LMX1A: variants seen among roughly 807,000 people sequenced by gnomAD.
LMX1A encodes the protein LIM homeobox transcription factor 1-alpha.
Under a neutral mutation model 49.1 loss-of-function variants are expected in LMX1A, and 15 were observed. That is an observed-to-expected ratio of 0.31 (90% CI 0.20 to 0.47). The LOEUF is 0.47. LMX1A is among the 20% of genes least tolerant of loss of function. The pLI is 1.00. For missense variants in LMX1A, 372 were observed against 475.8 expected (o/e 0.78, Z 2.03); for synonymous variants, 167 against 185.7 (o/e 0.90, Z 0.82).
intron 3 of LMX1A, among the ~76,000 whole-genome samples, chr1:165,254,514 A>G (rs147848243): frequency 1.3e-5 from 2 of 152,306 alleles, no homozygotes; most frequent in Non-Finnish European, 2.9e-5. Context: ...CTAACCCCAG[A>G]GTAATTCAAG....
intron 4 of LMX1A, among the ~76,000 whole-genome samples, chr1:165,229,352 C>T (rs1652160228): frequency 6.6e-6 from 1 of 152,138 alleles, no homozygotes; most frequent in Admixed American, 6.5e-5. Context: ...TTGGGGAGAG[C>T]ATTTATTAAT....
chr1:165,287,247 G>A (rs1654326926), intron 3 of LMX1A, among the ~76,000 whole-genome samples: 1 of 152,064 alleles, frequency 6.6e-6, no homozygotes, highest in African/African-American at 2.4e-5. Flanking sequence ...TGGTTCGGGG[G>A]CAGAATATGA....
chr1:165,269,652 A>C (rs1653736057), intron 3 of LMX1A, among the ~76,000 whole-genome samples: 1 of 152,246 alleles, frequency 6.6e-6, no homozygotes. Flanking sequence ...CCCAATGCCC[A>C]TCAATGGTAG....
In LMX1A at chr1:165,240,917, A is replaced by G. The variant is rs200428574; in HGVS notation, c.496+8491T>C. 4.2e-4 allele frequency among the ~76,000 whole-genome samples: 64 copies of G among 152,374 alleles called. 1 individual carries two copies. The East Asian group carries it at 0.012, about 28-fold the overall frequency. On this transcript the variant is annotated intron_variant, in intron 4 of 8. Transcript: ENST00000342310. The stretch of plus-strand genomic sequence containing the variant: ...CTTAGGAATAAGGAGGCACTTAGGT[A>G]TTTAAAATAGCTCAAATAATGACCA...
At chr1:165,281,388 C>T (rs1338056858) in intron 3 of LMX1A, among the ~76,000 whole-genome samples, 1 of 152,170 alleles carries the variant, frequency 6.6e-6, no homozygotes, top group East Asian at 1.9e-4. Flanking sequence ...GGAGCAAAGT[C>T]TACTTGGACC....
rs145851879 is a variant in LMX1A at position 165,283,166 on chromosome 1, G to A, written c.264-33526C>T. On this transcript the variant is annotated intron_variant, in intron 3 of 8. Coordinates refer to ENST00000342310, the MANE Select transcript of LMX1A (RefSeq NM_177398.4). The stretch of plus-strand genomic sequence containing the variant: ...CATATTTTTACTGTACCTTTTCTAT[G>A]TTTAGATATGCTTAGATACACAAAT... 6.9e-3 allele frequency among the ~76,000 whole-genome samples: 1,053 copies of A among 152,272 alleles called. 9 individuals are homozygous for A. Among genetic ancestry groups the A allele is most frequent in the African/African-American group, 0.024 (992 of 41,550 alleles).
At chr1:165,320,465 G>T (rs4147087) in intron 3 of LMX1A, among the ~76,000 whole-genome samples, 19,494 of 152,198 alleles carry the variant, frequency 0.13, 1,482 homozygotes, top group African/African-American at 0.21. Context: ...AGGATATTCT[G>T]CAAGGCAGAA....
intron 8 of LMX1A, 23 bp downstream of exon 8, chr1:165,205,841 C>T (rs772084176): frequency 1.4e-5 from 22 of 1,610,494 alleles, no homozygotes; most frequent in Non-Finnish European, 1.5e-5. Context: ...TGAGAGGGCC[C>T]GAGGGGCTTA....
At chr1:165,245,835 T>C (rs934197002) in intron 4 of LMX1A, among the ~76,000 whole-genome samples, 2 of 152,062 alleles carry the variant, frequency 1.3e-5, no homozygotes, top group African/African-American at 4.8e-5. Flanking sequence ...CTTTGCGCGG[T>C]TCTGCTAGCT....
chr1:165,290,479 CTATT>C (rs1184798628), intron 3 of LMX1A, among the ~76,000 whole-genome samples: 2 of 152,018 alleles, frequency 1.3e-5, no homozygotes, highest in Non-Finnish European at 2.9e-5. Context: ...TAAAATGTCT[CTATT>C]TATAAAAACC....
intron 2 of LMX1A, among the ~76,000 whole-genome samples, chr1:165,354,034 CTT>C (rs1404928148): frequency 6.6e-6 from 1 of 152,212 alleles, no homozygotes. Context: ...GAAATCCACT[CTT>C]TGCTACCCCT....
rs1175435411 is a variant in LMX1A, at chr1:165,249,617, C to A, written c.287G>T (p.Gly96Val). Residue 96 changes from glycine (G) to valine (V), a missense_variant, in exon 4 of 9, where the codon GGC becomes GTC. By Grantham distance (109) the Gly-to-Val change is moderately radical. Transcript: ENST00000342310. ...ATTGGGAGCGATGGCCTCGAAGCAG[C>A]CCCCACATTTAACAGCAAACAGCCT... ...YEKLFAVKCG[G>V]CFEAIAPNEF... The A allele has an allele frequency of 1.9e-6, 3 of 1,614,014 alleles. No homozygotes were observed. Among genetic ancestry groups the A allele is most frequent in the Non-Finnish European group, 2.5e-6 (3 of 1,179,942 alleles).
At chr1:165,222,314 A>G (rs1449691421) in intron 4 of LMX1A, among the ~76,000 whole-genome samples, 3 of 152,220 alleles carry the variant, frequency 2.0e-5, no homozygotes, top group Non-Finnish European at 4.4e-5. Context: ...TCATTAATCC[A>G]GCTTCCCTAT....
intron 3 of LMX1A, among the ~76,000 whole-genome samples, chr1:165,327,409 CA>C (rs1655621763): frequency 1.3e-5 from 2 of 152,334 alleles, no homozygotes; most frequent in Admixed American, 1.3e-4. Flanking sequence ...ACCCTGATCC[CA>C]ACAAAGCCAA....
chr1:165,223,047 A>C (rs1237249648), intron 4 of LMX1A, among the ~76,000 whole-genome samples: 3 of 152,144 alleles, frequency 2.0e-5, no homozygotes, highest in African/African-American at 7.2e-5. Context: ...GAGTGATAAA[A>C]AATGCTCTAA....
intron 3 of LMX1A, among the ~76,000 whole-genome samples, chr1:165,312,307 G>C (rs1439934426): frequency 2.0e-5 from 3 of 152,172 alleles, no homozygotes; most frequent in Non-Finnish European, 4.4e-5. Context: ...TCTAAGTCCA[G>C]CTCTGCCCCT....
intron 3 of LMX1A, among the ~76,000 whole-genome samples, chr1:165,287,575 A>G (rs1654334392): frequency 6.6e-6 from 1 of 152,112 alleles, no homozygotes; most frequent in Non-Finnish European, 1.5e-5. Flanking sequence ...CCCTCTGCCC[A>G]GGTCTCCCAG....
chr1:165,218,689 T>C lies in LMX1A; in HGVS notation c.497-4876A>G, dbSNP rs570948859. ...TCGATTTGTTCACGAGAAAGGACAT[T>C]TCTAAAAGAGCCAGGAGACTGCCCC... On this transcript the variant is annotated intron_variant, in intron 4 of 8. Coordinates refer to ENST00000342310, the MANE Select transcript of LMX1A (RefSeq NM_177398.4). The C allele has an allele frequency of 2.6e-5, 4 of 152,284 alleles. No homozygotes were observed. The South Asian group carries it at 8.3e-4, about 32-fold the overall frequency. The allele number at this position is 152,284 out of a possible 1,614,324, so 9.4% of individuals were successfully genotyped here.
chr1:165,221,016 CTA>C (rs1651822274), intron 4 of LMX1A, among the ~76,000 whole-genome samples: 2 of 152,120 alleles, frequency 1.3e-5, no homozygotes, highest in African/African-American at 4.8e-5. Flanking sequence ...TACCACAACC[CTA>C]TGAGACAGGA....
Sources: gnomAD v4.1 joint callset for allele counts (sites outside exome capture counted in the v4.1 genomes callset) on GRCh38, gnomAD v4.1.1 for gene constraint, MANE v1.5 for transcripts, NCBI Gene and HGNC (gene_info 2026-07-23, HGNC 2026-07-21) for gene names.